The following NMT1 variants were observed in gnomAD, a reference collection of about 807,000 sequenced individuals.
The protein encoded by NMT1 is glycylpeptide N-tetradecanoyltransferase 1.
A neutral mutation model predicts 63.4 loss-of-function variants in NMT1; 12 were observed. That is an observed-to-expected ratio of 0.19 (90% CI 0.12 to 0.31). The LOEUF (loss-of-function observed/expected upper bound fraction) is 0.31, where lower values mean the gene tolerates loss of function less well. Ranked by LOEUF, NMT1 falls within the 10% of genes least tolerant of loss-of-function variation. The probability of loss-of-function intolerance (pLI) is 1.00; values close to 1 mark genes in which losing one functional copy is unlikely to be tolerated. For missense variants in NMT1, 432 were observed against 634.6 expected, an observed-to-expected ratio of 0.68 and a Z score of 3.43; for synonymous variants, 228 against 234.3, an observed-to-expected ratio of 0.97 and a Z score of 0.25.
Position 45,105,771 on chromosome 17 carries a change from C to A in NMT1, c.*132C>A. 2 of 872,878 alleles carry A rather than the reference C, an allele frequency of 2.3e-6. No homozygotes were observed. Among genetic ancestry groups the A allele is most frequent in the Non-Finnish European group, 3.5e-6 (2 of 566,760 alleles). The allele number at this position is 872,878 out of a possible 1,614,324, so 54.1% of individuals were successfully genotyped here. ...GGGAGCAGAACTGAACCGGCTTTAC[C>A]AAACCGCCAGCGAACTTGACAATTG... On this transcript the variant is annotated 3_prime_UTR_variant, in exon 12 of 12. Coordinates refer to ENST00000258960, the MANE Select transcript of NMT1 (RefSeq NM_021079.5). The surrounding 1 kb of genome is among the most constrained non-coding windows in gnomAD (Gnocchi z 4.2).
Position 45,093,691 on chromosome 17 carries a change from T to A in NMT1, c.392T>A (p.Val131Glu), listed in dbSNP as rs1216003679. The A allele has an allele frequency of 6.2e-7, 1 of 1,614,062 alleles. No individual in the cohort carries two copies. Among genetic ancestry groups the A allele is most frequent in the South Asian group, 1.1e-5 (1 of 91,084 alleles). Residue 131 changes from valine (V) to glutamate (E), a missense_variant, in exon 4 of 12, where the codon GTG becomes GAG. Around this residue, in one of 4 missense-constraint regions of NMT1, gnomAD observed 295 missense variants for 489.7 expected, o/e 0.60. Coordinates refer to ENST00000258960, the MANE Select transcript of NMT1 (RefSeq NM_021079.5). Reference protein sequence around the residue: ...DTQPVPKLGEVVNTHGPVEPD... With the variant: ...DTQPVPKLGEEVNTHGPVEPD... ...AGCTGTGCTCTTCTTTCAGGCGAAG[T>A]GGTGAACACCCATGGCCCCGTGGAG...
intron 3 of NMT1, among the ~76,000 whole-genome samples, chr17:45,088,636 C>T (rs536036481): frequency 9.5e-4 from 145 of 152,298 alleles, no homozygotes; most frequent in African/African-American, 3.4e-3. Flanking sequence ...GGCCTGTGAT[C>T]CCAGCTACTT....
intron 3 of NMT1, among the ~76,000 whole-genome samples, chr17:45,092,921 G>A (rs992983458): frequency 2.6e-5 from 4 of 152,098 alleles, no homozygotes; most frequent in Admixed American, 6.5e-5. Context: ...TTGTAGAACC[G>A]AAATCATCCC....
chr17:45,070,631 A>G (rs1850665653), intron 1 of NMT1, among the ~76,000 whole-genome samples: 1 of 149,350 alleles, frequency 6.7e-6, no homozygotes, highest in African/African-American at 2.5e-5. Context: ...ATTAGCCAGG[A>G]TGGTCTCGAT....
chr17:45,105,705 C>T lies in NMT1; in HGVS notation c.*66C>T, dbSNP rs369051195. 3.3e-5 allele frequency: 50 copies of T among 1,502,332 alleles called. No homozygotes were observed. In the African/African-American group the frequency reaches 5.8e-4, roughly 17 times the overall value. 93.1% of individuals were successfully genotyped at this position (1,502,332 alleles called of 1,614,324 possible). A position where few individuals can be genotyped will look rare whatever the true frequency, so the allele number is the denominator to read the frequency against. On this transcript the variant is annotated 3_prime_UTR_variant, in exon 12 of 12. Coordinates refer to ENST00000258960, the MANE Select transcript of NMT1 (RefSeq NM_021079.5). The surrounding 1 kb of genome is among the most constrained non-coding windows in gnomAD (Gnocchi z 4.2). ...CGAACCAGGAAATGGAACCCCACCA[C>T]TGTTGGTCCAATTTTCACACACGTG...
chr17:45,067,447 G>C (rs192135963), intron 1 of NMT1, among the ~76,000 whole-genome samples: 1 of 152,280 alleles, frequency 6.6e-6, no homozygotes, highest in African/African-American at 2.4e-5. Flanking sequence ...GGTTAACATG[G>C]ATTCTTTATA....
intron 1 of NMT1, among the ~76,000 whole-genome samples, chr17:45,063,224 A>T (rs959856267): frequency 3.5e-4 from 53 of 151,934 alleles, no homozygotes; most frequent in African/African-American, 1.2e-3. Flanking sequence ...AAAAAAAAAA[A>T]AAAATCACAG....
intron 1 of NMT1, among the ~76,000 whole-genome samples, chr17:45,065,854 C>T (rs1044817159): frequency 6.7e-6 from 1 of 149,878 alleles, no homozygotes; most frequent in Non-Finnish European, 1.5e-5. Flanking sequence ...AATGATAGTT[C>T]GAGCTAACCC....
At chr17:45,063,306 AC>A (rs1325237339) in intron 1 of NMT1, among the ~76,000 whole-genome samples, 3 of 152,126 alleles carry the variant, frequency 2.0e-5, no homozygotes. Context: ...GTAACTCACA[AC>A]AGATCTAATG....
chr17:45,099,325 C>A, intron 7 of NMT1, 80 bp from the exon 8 acceptor site: 2 of 974,308 alleles, frequency 2.1e-6, no homozygotes, highest in Non-Finnish European at 3.3e-6. Context: ...CACCTGCTGG[C>A]CAGCTGGGGT....
At chr17:45,096,331 A>T (rs1439005696) in intron 5 of NMT1, 46 bp downstream of exon 5, 5 of 1,484,746 alleles carry the variant, frequency 3.4e-6, no homozygotes, top group South Asian at 2.3e-5. Flanking sequence ...GAAGGCATAG[A>T]GCAGATCCAC....
intron 2 of NMT1, among the ~76,000 whole-genome samples, chr17:45,086,245 T>C (rs930820353): frequency 4.7e-5 from 7 of 150,124 alleles, no homozygotes; most frequent in Non-Finnish European, 4.4e-5. Flanking sequence ...TGCCTCAGCC[T>C]CCCAAAATAG....
chr17:45,075,726 C>T (rs1163494924), intron 1 of NMT1, among the ~76,000 whole-genome samples: 3 of 151,616 alleles, frequency 2.0e-5, no homozygotes, highest in Non-Finnish European at 2.9e-5. Flanking sequence ...GCTGAGAACA[C>T]GGCACTGCAC....
Position 45,099,391 on chromosome 17 carries a change from T to A in NMT1, c.885-14T>A. The A allele has an allele frequency of 3.2e-6, 5 of 1,572,098 alleles. No individual in the cohort carries two copies. Among genetic ancestry groups the A allele is most frequent in the South Asian group, 1.1e-5 (1 of 90,200 alleles). ...GGCCAGAACCCTGAGGACAGGACAT[T>A]TGTGTCCCCACAGGTATTGGCATCG... On this transcript the variant is annotated splice_polypyrimidine_tract_variant and intron_variant, in intron 7 of 11. Coordinates refer to ENST00000258960, the MANE Select transcript of NMT1 (RefSeq NM_021079.5).
chr17:45,072,860 A>C (rs1165513088), intron 1 of NMT1, among the ~76,000 whole-genome samples: 1 of 151,478 alleles, frequency 6.6e-6, no homozygotes, highest in Non-Finnish European at 1.5e-5. Flanking sequence ...CGCCTGGCCT[A>C]TTTTTTTTAA....
At position 45,061,356 on chromosome 17, in the gene NMT1, G is replaced by T; in HGVS notation, c.27G>T (p.Val9=). The change falls in exon 1 of 12, where the codon GTG becomes GTT. Residue 9 remains valine, a synonymous_variant. Transcript: ENST00000258960. ...TGGCGGACGAGAGTGAGACAGCAGTGAAGCCGCCGGCACCTCCGCTGCCGC... is the reference window on the plus strand; with the variant it reads ...TGGCGGACGAGAGTGAGACAGCAGTTAAGCCGCCGGCACCTCCGCTGCCGC... MADESETA[V]KPPAPPLPQM... 6.2e-7 allele frequency: 1 copy of T among 1,613,960 alleles called. No homozygotes were observed.
intron 5 of NMT1, among the ~76,000 whole-genome samples, chr17:45,096,719 A>G (rs2054127162): frequency 6.6e-6 from 1 of 152,186 alleles, no homozygotes; most frequent in Admixed American, 6.5e-5. Context: ...ATGGAGAGGG[A>G]CTACCTGAAA....
At chr17:45,087,034 A>T (rs2054059598) in intron 3 of NMT1, among the ~76,000 whole-genome samples, 1 of 151,256 alleles carries the variant, frequency 6.6e-6, no homozygotes, top group South Asian at 2.1e-4. Context: ...AGTGACATGC[A>T]CCTGTAGTCC....
chr17:45,101,120 C>T (rs2054161419), intron 8 of NMT1, among the ~76,000 whole-genome samples: 1 of 151,558 alleles, frequency 6.6e-6, no homozygotes, highest in African/African-American at 2.4e-5. Context: ...GGAGGCGGAG[C>T]TTGCAGTGAG....
Sources: gnomAD v4.1 joint callset for allele counts (sites outside exome capture counted in the v4.1 genomes callset) on GRCh38, gnomAD v4.1.1 for gene constraint, gnomAD v4.1.1 regional missense constraint, Gnocchi (gnomAD v3.1) non-coding constraint, MANE v1.5 for transcripts, NCBI Gene and HGNC (gene_info 2026-07-23, HGNC 2026-07-21) for gene names.